TBC1D14: variants seen among roughly 807,000 people sequenced by gnomAD.
TBC1D14 encodes TBC1 domain family member 14.
TBC1D14 carries 26 observed loss-of-function variants against 79.0 expected under a neutral mutation model. That is an observed-to-expected ratio of 0.33 (90% confidence interval 0.24 to 0.46). The LOEUF (loss-of-function observed/expected upper bound fraction) is 0.46, where lower values mean the gene tolerates loss of function less well. Ranked by LOEUF, TBC1D14 falls within the 20% of genes least tolerant of loss-of-function variation. TBC1D14 has a pLI of 1.00. For synonymous variants in TBC1D14, 394 were observed against 349.9 expected (o/e 1.13, Z -1.40); for missense variants, 769 against 887.6 (o/e 0.87, Z 1.70).
At chr4:7,010,872 T>C in intron 11 of TBC1D14, 91 bp downstream of exon 11, 1 of 1,443,024 alleles carries the variant, frequency 6.9e-7, no homozygotes, top group Non-Finnish European at 9.4e-7. Flanking sequence ...AAAAAAAGAA[T>C]ACATTTTCTC....
chr4:6,934,655 C>T (rs1712131958), intron 2 of TBC1D14, among the ~76,000 whole-genome samples: 1 of 148,420 alleles, frequency 6.7e-6, no homozygotes, highest in Non-Finnish European at 1.5e-5. Context: ...GAGACTCTGT[C>T]TCAAAAAAAC....
At chr4:6,927,755 A>G (rs1724407526) in intron 2 of TBC1D14, among the ~76,000 whole-genome samples, 1 of 152,176 alleles carries the variant, frequency 6.6e-6, no homozygotes, top group Non-Finnish European at 1.5e-5. Flanking sequence ...AGAGCCAAAA[A>G]TGTCTCCAGA....
At chr4:6,916,676 C>T (rs1443638267) in intron 1 of TBC1D14, among the ~76,000 whole-genome samples, 5 of 152,202 alleles carry the variant, frequency 3.3e-5, no homozygotes. Flanking sequence ...CTCTTTGCTT[C>T]CTGCAGAACT....
chr4:7,015,631 C>T (rs933477711), intron 12 of TBC1D14, among the ~76,000 whole-genome samples: 1 of 152,066 alleles, frequency 6.6e-6, no homozygotes, highest in Non-Finnish European at 1.5e-5. Flanking sequence ...TGTTTGAGGG[C>T]CAGGTAAGAG....
intron 2 of TBC1D14, among the ~76,000 whole-genome samples, chr4:6,947,354 C>G (rs964108640): frequency 1.3e-5 from 2 of 152,098 alleles, no homozygotes; most frequent in African/African-American, 4.8e-5. Context: ...AAAAATTAGC[C>G]GGCTGTGGTG....
chr4:6,910,235 T>C (rs1722862619), intron 1 of TBC1D14: 2 of 152,006 alleles, frequency 1.3e-5, no homozygotes, highest in African/African-American at 2.4e-5. Context: ...CCCGCTCCTT[T>C]ACGGAACTTG....
intron 1 of TBC1D14, chr4:6,910,364 CCCT>C (rs1722875795): frequency 6.6e-6 from 1 of 152,398 alleles, no homozygotes; most frequent in Admixed American, 6.5e-5. Context: ...AGGCAGCGGA[CCCT>C]CCTCCTTGGA....
chr4:6,978,123 G>T (rs1290299291), intron 3 of TBC1D14, among the ~76,000 whole-genome samples: 1 of 149,732 alleles, frequency 6.7e-6, no homozygotes, highest in African/African-American at 2.5e-5. Context: ...AGGTGGGGGG[G>T]TCAGCCCCCC....
intron 2 of TBC1D14, among the ~76,000 whole-genome samples, chr4:6,952,760 A>G (rs1283420956): frequency 1.3e-5 from 2 of 152,118 alleles, no homozygotes; most frequent in Non-Finnish European, 2.9e-5. Context: ...TGCAGGGGCT[A>G]GTTGACATAA....
chr4:6,911,449 TC>T (rs1354339296), intron 1 of TBC1D14, among the ~76,000 whole-genome samples: 1 of 152,240 alleles, frequency 6.6e-6, no homozygotes, highest in Non-Finnish European at 1.5e-5. Context: ...CCTCCGCTGT[TC>T]CAGCACTTTG....
chr4:6,999,307 C>T (rs747697691), intron 6 of TBC1D14, 105 bp downstream of exon 6: 37 of 1,012,842 alleles, frequency 3.7e-5, no homozygotes, highest in Non-Finnish European at 5.3e-5. Context: ...CTGGATGCAG[C>T]GAGTTGAAGT....
intron 3 of TBC1D14, among the ~76,000 whole-genome samples, chr4:6,979,361 T>C (rs1404082308): frequency 6.6e-6 from 1 of 152,204 alleles, no homozygotes; most frequent in Non-Finnish European, 1.5e-5. Context: ...GTGTGTTGGC[T>C]TGCACCTGTA....
intron 2 of TBC1D14, among the ~76,000 whole-genome samples, chr4:6,926,320 G>T (rs774162154): frequency 2.2e-4 from 33 of 152,184 alleles, no homozygotes; most frequent in Non-Finnish European, 3.1e-4. Context: ...TCATGGCCAC[G>T]TTGCTCTTTC....
At chr4:6,948,201 G>A (rs12510715) in intron 2 of TBC1D14, among the ~76,000 whole-genome samples, 132,051 of 152,192 alleles carry the variant, frequency 0.87, 57,531 homozygotes, top group East Asian at 0.97. Flanking sequence ...TGCCACCTCA[G>A]TCAGTACAGA....
chr4:7,007,723 T>G (rs1221514538), intron 9 of TBC1D14: 3 of 720,916 alleles, frequency 4.2e-6, no homozygotes, highest in African/African-American at 3.7e-5. Flanking sequence ...CAGGGCAGAT[T>G]TCAGCTTCTC....
rs1716692831 is a variant in TBC1D14, at chr4:6,976,116, C to A, written c.843+8692C>A. On this transcript the variant is annotated intron_variant, in intron 3 of 13. Coordinates refer to ENST00000409757, the MANE Select transcript of TBC1D14 (RefSeq NM_020773.3). The stretch of plus-strand genomic sequence containing the variant: ...AAACAAAACAAAAAACAGAAATTAT[C>A]CAGTCTGCATAGTACAGAGAAAAAA... Among the ~76,000 whole-genome samples the A allele has an allele frequency of 2.0e-5, 3 of 152,116 alleles. No homozygotes were observed. The South Asian group carries it at 6.2e-4, about 32-fold the overall frequency.
Position 7,025,175 on chromosome 4 carries a change from C to A in TBC1D14, c.1929C>A (p.Thr643=). 6.2e-7 allele frequency: 1 copy of A among 1,614,218 alleles called. No individual in the cohort carries two copies. The highest frequency in any genetic ancestry group is 2.2e-5 in the East Asian group (1 of 44,882). The change falls in exon 13 of 14, where the codon ACC becomes ACA. Residue 643 remains threonine, a synonymous_variant. Transcript: ENST00000409757. ...MDFIHMAQFL[T]RLPEDLPAEE... ...TCATTCACATGGCCCAGTTCCTGAC[C>A]CGGCTGCCCGAGGACCTGCCCGCCG...
chr4:6,965,503 G>A (rs1309842319), intron 2 of TBC1D14, among the ~76,000 whole-genome samples: 1 of 152,152 alleles, frequency 6.6e-6, no homozygotes, highest in Non-Finnish European at 1.5e-5. Context: ...TTGACTTGGT[G>A]TGTTGTTCCC....
intron 11 of TBC1D14, 52 bp downstream of exon 11, chr4:7,010,833 A>G (rs774686681): frequency 2.5e-6 from 4 of 1,573,948 alleles, no homozygotes; most frequent in Non-Finnish European, 2.6e-6. Context: ...AAATGTCAAG[A>G]GTTGCTTACT....
Sources: allele counts gnomAD v4.1 joint callset (sites outside exome capture counted in the v4.1 genomes callset), GRCh38; gene constraint gnomAD v4.1.1; transcripts MANE v1.5; gene names NCBI Gene and HGNC (gene_info 2026-07-23, HGNC 2026-07-21).